CBFB: variants seen among roughly 807,000 people sequenced by gnomAD.
CBFB encodes core-binding factor subunit beta, also known as CBF-beta.
In CBFB, 9 loss-of-function variants were observed where a neutral mutation model predicts 30.4. That is an observed-to-expected ratio of 0.30 (90% CI 0.18 to 0.52). CBFB has a LOEUF of 0.52. CBFB is among the 20% of genes least tolerant of loss of function. The pLI, the probability that CBFB is intolerant of heterozygous loss-of-function variation, is 0.97. For missense variants in CBFB, 170 were observed against 244.0 expected (o/e 0.70, Z 2.02); for synonymous variants, 94 against 84.0 (o/e 1.12, Z -0.65).
intron 5 of CBFB, among the ~76,000 whole-genome samples, chr16:67,095,094 C>T (rs908530508): frequency 3.3e-5 from 5 of 149,864 alleles, no homozygotes; most frequent in South Asian, 2.1e-4. Flanking sequence ...AAGCGCATGC[C>T]GGCTACTCAG....
chr16:67,064,583 T>G (rs1423316806), intron 3 of CBFB, among the ~76,000 whole-genome samples: 1 of 152,214 alleles, frequency 6.6e-6, no homozygotes, highest in Non-Finnish European at 1.5e-5. Flanking sequence ...TGTAATAAAT[T>G]TCTCTTATAT....
At chr16:67,077,146 A>C (rs1961423650) in intron 4 of CBFB, among the ~76,000 whole-genome samples, 1 of 152,220 alleles carries the variant, frequency 6.6e-6, no homozygotes. Context: ...TATTACCAAC[A>C]TAAGCCAATA....
At chr16:67,075,934 A>G (rs1047953499) in intron 4 of CBFB, among the ~76,000 whole-genome samples, 24 of 152,172 alleles carry the variant, frequency 1.6e-4, no homozygotes, top group African/African-American at 5.3e-4. Context: ...AAAAATTTCA[A>G]AAATTTTTAA....
chr16:67,029,609 G>A, intron 1 of CBFB, 118 bp from the exon 2 acceptor site: 4 of 1,309,340 alleles, frequency 3.1e-6, no homozygotes, highest in Non-Finnish European at 4.2e-6. Context: ...GGGCAATCTC[G>A]CCGGGGCGGC....
chr16:67,081,386 T>C (rs1297686804), intron 4 of CBFB, among the ~76,000 whole-genome samples: 3 of 152,062 alleles, frequency 2.0e-5, no homozygotes, highest in African/African-American at 7.3e-5. Flanking sequence ...TGTGGCACTG[T>C]TCACAATAGC....
intron 5 of CBFB, among the ~76,000 whole-genome samples, chr16:67,083,758 C>T (rs925732481): frequency 1.3e-5 from 2 of 152,026 alleles, no homozygotes. Flanking sequence ...TTTTAATTGA[C>T]AATGGAATTT....
chr16:67,041,639 A>G (rs920826069), intron 3 of CBFB, among the ~76,000 whole-genome samples: 4 of 151,978 alleles, frequency 2.6e-5, no homozygotes, highest in African/African-American at 9.7e-5. Flanking sequence ...TTGGCTAGAG[A>G]AACTGGGACT....
At position 67,035,359 on chromosome 16, in the gene CBFB, C is replaced by T. The variant is rs558648801; in HGVS notation, c.166-1280C>T. The stretch of plus-strand genomic sequence containing the variant: ...CTTGCCTCCCAAAGGGCTGGGATTA[C>T]GAGTGTGAACCACTGCTCCTGGCCT... On this transcript the variant is annotated intron_variant, in intron 2 of 5. Transcript: ENST00000412916. Among the ~76,000 whole-genome samples, 9 of 152,236 alleles carry T rather than the reference C, an allele frequency of 5.9e-5. No homozygotes were observed. The South Asian group carries it at 1.5e-3, about 25-fold the overall frequency.
intron 3 of CBFB, among the ~76,000 whole-genome samples, chr16:67,052,070 CCCT>C (rs1212132757): frequency 3.3e-5 from 5 of 151,696 alleles, no homozygotes; most frequent in Non-Finnish European, 7.4e-5. Context: ...CAGGCTCAAG[CCCT>C]CCTCCCATGT....
rs575698839 is a variant in CBFB, at chr16:67,057,100, A to G, written c.283-9582A>G. Among the ~76,000 whole-genome samples, 20 of 151,750 alleles carry G rather than the reference A, an allele frequency of 1.3e-4. No individual in the cohort carries two copies. The East Asian group carries it at 3.3e-3, about 25-fold the overall frequency. On this transcript the variant is annotated intron_variant, in intron 3 of 5. Transcript: ENST00000412916. ...TGGATTCAAGTGATTCTCCTTTCTC[A>G]GCCTCCCGAGTTGGTGGGATTACAG...
chr16:67,073,143 T>C (rs1347475060), intron 4 of CBFB, among the ~76,000 whole-genome samples: 2 of 152,162 alleles, frequency 1.3e-5, no homozygotes, highest in Non-Finnish European at 2.9e-5. Flanking sequence ...GACAAAATAC[T>C]CTAACAAATG....
intron 3 of CBFB, among the ~76,000 whole-genome samples, chr16:67,062,380 G>A (rs546360161): frequency 6.6e-6 from 1 of 151,534 alleles, no homozygotes; most frequent in African/African-American, 2.4e-5. Context: ...TGTTGGCCGG[G>A]CTGGTTTCGA....
At chr16:67,041,726 T>G (rs367888791) in intron 3 of CBFB, among the ~76,000 whole-genome samples, 2 of 151,134 alleles carry the variant, frequency 1.3e-5, no homozygotes, top group East Asian at 1.9e-4. Context: ...TTAGCGCATG[T>G]GAGGTTGTGG....
chr16:67,042,096 G>GT (rs1475904714), intron 3 of CBFB, among the ~76,000 whole-genome samples: 1 of 151,594 alleles, frequency 6.6e-6, no homozygotes, highest in Non-Finnish European at 1.5e-5. Flanking sequence ...AGTTATTTTT[G>GT]TATTTTTTGT....
chr16:67,055,264 G>A (rs1960681477), intron 3 of CBFB, among the ~76,000 whole-genome samples: 1 of 150,314 alleles, frequency 6.7e-6, no homozygotes, highest in Non-Finnish European at 1.5e-5. Flanking sequence ...CTTAACAGAA[G>A]TCTGAGTTTA....
intron 5 of CBFB, 80 bp downstream of exon 5, chr16:67,082,388 A>C (rs200856054): frequency 6.5e-7 from 1 of 1,532,640 alleles, no homozygotes; most frequent in East Asian, 2.3e-5. Context: ...ATGTTTGTGC[A>C]TAATGCTTTT....
chr16:67,061,192 A>G (rs1462471157), intron 3 of CBFB, among the ~76,000 whole-genome samples: 2 of 152,250 alleles, frequency 1.3e-5, no homozygotes, highest in Non-Finnish European at 2.9e-5. Flanking sequence ...TTACTTTTCC[A>G]GAAGAACACA....
chr16:67,089,122 G>A (rs973941734), intron 5 of CBFB, among the ~76,000 whole-genome samples: 2 of 152,098 alleles, frequency 1.3e-5, no homozygotes, highest in Non-Finnish European at 2.9e-5. Flanking sequence ...AGAGGTAATG[G>A]CAGATTATCA....
At chr16:67,091,649 C>T (rs1272931537) in intron 5 of CBFB, among the ~76,000 whole-genome samples, 1 of 152,202 alleles carries the variant, frequency 6.6e-6, no homozygotes, top group Non-Finnish European at 1.5e-5. Flanking sequence ...TATTTTTTGA[C>T]ATGCCTGTTG....
Sources: allele counts gnomAD v4.1 joint callset (sites outside exome capture counted in the v4.1 genomes callset), GRCh38; gene constraint gnomAD v4.1.1; transcripts MANE v1.5; gene names NCBI Gene and HGNC (gene_info 2026-07-23, HGNC 2026-07-21).